LRP5: variants seen among roughly 807,000 people sequenced by gnomAD.
The protein encoded by LRP5 is LDL receptor related protein 5, also known as low-density lipoprotein receptor-related protein 5.
LRP5 carries 62 observed loss-of-function variants against 154.1 expected under a neutral mutation model. That is an observed-to-expected ratio of 0.40 (90% CI 0.33 to 0.50). The LOEUF (loss-of-function observed/expected upper bound fraction) is 0.50, where lower values mean the gene tolerates loss of function less well. Among genes scored for constraint, LRP5 ranks in the 20% least tolerant of loss-of-function variants. The pLI is 0.55. For missense variants in LRP5, 1,915 were observed against 2,336.7 expected (o/e 0.82, Z 3.72); for synonymous variants, 966 against 1,011.5 (o/e 0.96, Z 0.85).
chr11:68,340,990 T>C (rs948906544), intron 1 of LRP5, among the ~76,000 whole-genome samples: 2 of 150,882 alleles, frequency 1.3e-5, no homozygotes, highest in African/African-American at 2.4e-5. Flanking sequence ...AGTCATTTTG[T>C]TACTAGTTAA....
chr11:68,324,692 A>G (rs2098598627), intron 1 of LRP5, among the ~76,000 whole-genome samples: 1 of 152,268 alleles, frequency 6.6e-6, no homozygotes, highest in African/African-American at 2.4e-5. Flanking sequence ...CCTTCTGCTC[A>G]TCGTCCAGCT....
chr11:68,439,722 G>A (rs573512035), intron 20 of LRP5, 55 bp from the exon 21 acceptor site: 8 of 1,581,126 alleles, frequency 5.1e-6, no homozygotes, highest in Non-Finnish European at 8.6e-7. Flanking sequence ...ATGTCTGTGG[G>A]GCGGCTTGGC....
At chr11:68,402,530 G>A (rs906499265) in intron 7 of LRP5, among the ~76,000 whole-genome samples, 1 of 152,124 alleles carries the variant, frequency 6.6e-6, no homozygotes, top group African/African-American at 2.4e-5. Context: ...ACAGAGAAGC[G>A]GGAGAACTTT....
chr11:68,404,511 G>A, intron 8 of LRP5: 1 of 488,392 alleles, frequency 2.0e-6, no homozygotes, highest in African/African-American at 1.9e-5. Context: ...TGAGGGAGCA[G>A]GTTGGGGCAG....
At chr11:68,344,857 T>C (rs1345836946) in intron 1 of LRP5, among the ~76,000 whole-genome samples, 6 of 110,774 alleles carry the variant, frequency 5.4e-5, no homozygotes, top group African/African-American at 1.9e-4. Context: ...CTCTTTTTTT[T>C]TTTTTTTTTT....
intron 5 of LRP5, among the ~76,000 whole-genome samples, chr11:68,376,419 C>T (rs373231491): frequency 2.0e-5 from 3 of 152,190 alleles, no homozygotes; most frequent in Middle Eastern, 3.4e-3. Context: ...CTGACCATCT[C>T]GTGATCCACC....
chr11:68,299,747 T>C, the LRP5 span, among the ~76,000 whole-genome samples: 16 of 149,100 alleles, frequency 1.1e-4, no homozygotes, highest in East Asian at 3.1e-3. Context: ...CACACCTGGC[T>C]GATTTTTGTA....
chr11:68,341,735 C>T (rs2098609259), intron 1 of LRP5, among the ~76,000 whole-genome samples: 1 of 152,196 alleles, frequency 6.6e-6, no homozygotes, highest in South Asian at 2.1e-4. Flanking sequence ...AAGGCCTGCT[C>T]TGTCTCAGGT....
chr11:68,365,311 AG>A (rs1442420154), intron 4 of LRP5, among the ~76,000 whole-genome samples: 3 of 151,986 alleles, frequency 2.0e-5, no homozygotes, highest in African/African-American at 7.3e-5. Flanking sequence ...TCTGGGTGTG[AG>A]GGTGGCCAGG....
intron 1 of LRP5, among the ~76,000 whole-genome samples, chr11:68,340,165 G>A (rs1445709052): frequency 1.3e-5 from 2 of 152,162 alleles, no homozygotes; most frequent in African/African-American, 4.8e-5. Flanking sequence ...GCTTGAAACT[G>A]GGAGGCCGAG....
In LRP5 at chr11:68,406,773, T is replaced by C. The variant is rs1339222045; in HGVS notation, c.2051T>C (p.Val684Ala). 7.4e-6 allele frequency: 12 copies of C among 1,614,014 alleles called. No individual in the cohort carries two copies. The highest frequency in any genetic ancestry group is 9.3e-6 in the Non-Finnish European group (11 of 1,180,042). Reference sequence around the variant, plus strand: ...GAGGCCTCAGCCCTGGACTTTGATGTGTCCAACAACCACATCTACTGGACA... The same window carrying C: ...GAGGCCTCAGCCCTGGACTTTGATGCGTCCAACAACCACATCTACTGGACA... ...VKEASALDFD[V>A]SNNHIYWTDV... Residue 684 changes from valine (V) to alanine (A), a missense_variant, in exon 9 of 23, where the codon GTG becomes GCG. Val to Ala is a moderately conservative substitution (Grantham distance 64, BLOSUM62 0). Transcript: ENST00000294304.
At chr11:68,441,201 C>T (rs1429457705) in intron 21 of LRP5, among the ~76,000 whole-genome samples, 2 of 152,200 alleles carry the variant, frequency 1.3e-5, no homozygotes, top group Admixed American at 1.3e-4. Context: ...ATCTCAGCCC[C>T]TAAGTAGCTA....
intron 3 of LRP5, among the ~76,000 whole-genome samples, chr11:68,358,243 G>A (rs2098624830): frequency 6.6e-6 from 1 of 152,058 alleles, no homozygotes; most frequent in Non-Finnish European, 1.5e-5. Context: ...AGCCTCCCGA[G>A]TAGCTGGGAC....
intron 1 of LRP5, among the ~76,000 whole-genome samples, chr11:68,332,634 G>A (rs757267617): frequency 6.6e-6 from 1 of 152,204 alleles, no homozygotes; most frequent in Non-Finnish European, 1.5e-5. Context: ...TTAGGGGTGG[G>A]AATGGCTGGA....
rs575194779 is a variant in LRP5, at chr11:68,401,118, A to G, written c.1585-2365A>G. On this transcript the variant is annotated intron_variant, in intron 7 of 22. Coordinates refer to ENST00000294304, the MANE Select transcript of LRP5 (RefSeq NM_002335.4). ...TCCTTGGAGAAGCCTGCACTTCTTC[A>G]TTGTACGCCAGGGCTGGGTCCCTCC... is the stretch of plus-strand genomic sequence containing the variant. Among the ~76,000 whole-genome samples the G allele has an allele frequency of 2.6e-5, 4 of 152,228 alleles. No homozygotes were observed. In the East Asian group the frequency reaches 7.7e-4, roughly 29 times the overall value.
Position 68,423,591 on chromosome 11 carries a change from G to A in LRP5, c.3130G>A (p.Ala1044Thr). 6.2e-7 allele frequency: 1 copy of A among 1,614,236 alleles called. No individual in the cohort carries two copies. Among genetic ancestry groups the A allele is most frequent in the Non-Finnish European group, 8.5e-7 (1 of 1,180,038 alleles). ...CCGGACACTGTTCTGGACGTGCGAG[G>A]CCACCAATACCATCAACGTCCACAG... ...YSRTLFWTCE[A>T]TNTINVHRLS... The change falls in exon 14 of 23, where the codon GCC becomes ACC. Residue 1044 changes from alanine to threonine, a missense_variant. This residue lies in a region of LRP5 where 1,094 missense variants were observed against 1,210.1 expected (regional missense o/e 0.90). Coordinates refer to ENST00000294304, the MANE Select transcript of LRP5 (RefSeq NM_002335.4). This position sits in a 1 kb window ranked among gnomAD's most constrained non-coding sequence, Gnocchi z 4.7.
At chr11:68,416,261 A>T in intron 12 of LRP5, 67 bp from the exon 13 acceptor site, 1 of 1,412,896 alleles carries the variant, frequency 7.1e-7, no homozygotes, top group African/African-American at 1.4e-5. Context: ...GTGGCGTGCT[A>T]TCCCGTCCTC....
chr11:68,415,288 T>G (rs547911991), intron 12 of LRP5, among the ~76,000 whole-genome samples: 57 of 152,280 alleles, frequency 3.7e-4, no homozygotes, highest in African/African-American at 1.3e-3. Context: ...AGGAGTGTCT[T>G]CTCTCGGGCT....
At chr11:68,326,960 G>C (rs1308020101) in intron 1 of LRP5, among the ~76,000 whole-genome samples, 1 of 152,238 alleles carries the variant, frequency 6.6e-6, no homozygotes, top group East Asian at 1.9e-4. Flanking sequence ...ACCCAGTTGA[G>C]GAGAACGTGG....
Sources: allele counts gnomAD v4.1 joint callset (sites outside exome capture counted in the v4.1 genomes callset), GRCh38; gene constraint gnomAD v4.1.1; regional missense constraint gnomAD v4.1.1; non-coding constraint Gnocchi (gnomAD v3.1); transcripts MANE v1.5; gene names NCBI Gene and HGNC (gene_info 2026-07-23, HGNC 2026-07-21).